The following ZFHX3 variants were observed in gnomAD, a reference collection of about 807,000 sequenced individuals.
The protein encoded by ZFHX3 is zinc finger homeobox 3, also known as zinc finger homeobox protein 3.
ZFHX3 carries 42 observed loss-of-function variants against 279.1 expected under a neutral mutation model. That is an observed-to-expected ratio of 0.15 (90% confidence interval 0.12 to 0.19). The LOEUF is 0.19. ZFHX3 is among the 10% of genes least tolerant of loss of function. The pLI is 1.00. For missense variants in ZFHX3, 4,981 were observed against 4,754.0 expected (o/e 1.05, Z -1.40); for synonymous variants, 2,293 against 1,957.8 (o/e 1.17, Z -4.52).
intron 2 of ZFHX3, among the ~76,000 whole-genome samples, chr16:72,951,646 T>C (rs1961006962): frequency 6.6e-6 from 1 of 152,210 alleles, no homozygotes; most frequent in South Asian, 2.1e-4. Context: ...TAACAGAATC[T>C]CAAACTGCAG....
chr16:73,365,512 G>A (rs972830776), intron 3 of ZFHX3, among the ~76,000 whole-genome samples: 1 of 152,198 alleles, frequency 6.6e-6, no homozygotes, highest in Non-Finnish European at 1.5e-5. Context: ...TCCCTTTACA[G>A]ATGAAGAAAC....
In ZFHX3 at chr16:72,839,236, C is replaced by T. The variant is rs1490345702; in HGVS notation, c.3449-9377G>A. Among the ~76,000 whole-genome samples the T allele has an allele frequency of 2.6e-5, 4 of 151,448 alleles. No homozygotes were observed. The East Asian group carries it at 8.0e-4, about 30-fold the overall frequency. On this transcript the variant is annotated intron_variant, in intron 4 of 9. Coordinates refer to ENST00000268489, the MANE Select transcript of ZFHX3 (RefSeq NM_006885.4). ...CAGTCCAAATAACCATGAAAAATTA[C>T]ACTTCAATGTCAGCGCGACGACAAA...
intron 4 of ZFHX3, among the ~76,000 whole-genome samples, chr16:72,888,018 G>C (rs936394030): frequency 4.6e-5 from 7 of 152,084 alleles, no homozygotes; most frequent in Non-Finnish European, 7.4e-5. Context: ...ATCTGCCCAG[G>C]TAGAAAGCCA....
intron 4 of ZFHX3, among the ~76,000 whole-genome samples, chr16:72,887,706 G>A (rs2038663949): frequency 6.6e-6 from 1 of 150,780 alleles, no homozygotes; most frequent in African/African-American, 2.4e-5. Flanking sequence ...TGTATGTGGG[G>A]GAGGTGCACG....
At chr16:73,022,668 A>G (rs1434587587) in intron 1 of ZFHX3, among the ~76,000 whole-genome samples, 1 of 152,132 alleles carries the variant, frequency 6.6e-6, no homozygotes, top group African/African-American at 2.4e-5. Context: ...GACGGCCCAC[A>G]TGCCACGATC....
intron 5 of ZFHX3, among the ~76,000 whole-genome samples, chr16:73,171,228 A>G (rs2144866822): frequency 6.6e-6 from 1 of 152,164 alleles, no homozygotes; most frequent in South Asian, 2.1e-4. Flanking sequence ...TTATCATCCA[A>G]ACTGGGACGC....
At chr16:73,766,361 C>T (rs1207976499) in intron 1 of ZFHX3, among the ~76,000 whole-genome samples, 1 of 152,062 alleles carries the variant, frequency 6.6e-6, no homozygotes, top group Non-Finnish European at 1.5e-5. Flanking sequence ...GGTATATCGC[C>T]AGGGTGACTG....
chr16:73,603,420 G>A (rs561725525), intron 2 of ZFHX3, among the ~76,000 whole-genome samples: 1 of 152,282 alleles, frequency 6.6e-6, no homozygotes, highest in South Asian at 2.1e-4. Context: ...AAAATTAAAT[G>A]TAATTAAGAC....
chr16:72,903,178 T>G (rs752869215), intron 3 of ZFHX3, among the ~76,000 whole-genome samples: 4 of 151,952 alleles, frequency 2.6e-5, no homozygotes, highest in Non-Finnish European at 5.9e-5. Context: ...ACTGTGGAGG[T>G]CGTTGAGAAA....
intron 4 of ZFHX3, among the ~76,000 whole-genome samples, chr16:73,313,592 C>T (rs2015377381): frequency 2.0e-5 from 3 of 152,122 alleles, no homozygotes; most frequent in Admixed American, 2.0e-4. Context: ...AGCGATACAC[C>T]TGGGTTTTAA....
rs544882979 is a variant in ZFHX3 at position 73,363,016 on chromosome 16, A to T, written c.-1290-44680T>A. Among the ~76,000 whole-genome samples the T allele has an allele frequency of 2.6e-5, 4 of 152,338 alleles. No individual in the cohort carries two copies. The East Asian group carries it at 7.7e-4, about 29-fold the overall frequency. ...CTCATTCCATCAAGAGGTGGAGTCTATTTCTCTATCTGGGATCTGGGCTGG... is the reference window on the plus strand; with the variant it reads ...CTCATTCCATCAAGAGGTGGAGTCTTTTTCTCTATCTGGGATCTGGGCTGG... On this transcript the variant is annotated intron_variant, in intron 3 of 17. Transcript: ENST00000641206.
intron 2 of ZFHX3, among the ~76,000 whole-genome samples, chr16:73,508,873 C>G (rs2019374824): frequency 6.6e-6 from 1 of 152,172 alleles, no homozygotes; most frequent in Non-Finnish European, 1.5e-5. Context: ...AAGAACTGTG[C>G]TGAGTGTCTG....
chr16:73,162,338 T>A (rs1420071169), intron 5 of ZFHX3, among the ~76,000 whole-genome samples: 1 of 152,242 alleles, frequency 6.6e-6, no homozygotes, highest in Non-Finnish European at 1.5e-5. Flanking sequence ...TTCATGAGAA[T>A]CTAATGCCCA....
At chr16:72,839,261 A>G (rs1344851119) in intron 4 of ZFHX3, among the ~76,000 whole-genome samples, 1 of 151,990 alleles carries the variant, frequency 6.6e-6, no homozygotes, top group African/African-American at 2.4e-5. Flanking sequence ...GCGACGACAA[A>G]GGAGGCGCGC....
At chr16:73,885,907 A>G (rs1216606190) in intron 1 of ZFHX3, among the ~76,000 whole-genome samples, 1 of 152,160 alleles carries the variant, frequency 6.6e-6, no homozygotes, top group Non-Finnish European at 1.5e-5. Context: ...ACTGAGGGAA[A>G]TTTGCCCTCC....
intron 2 of ZFHX3, among the ~76,000 whole-genome samples, chr16:73,572,355 C>T (rs1477977318): frequency 1.3e-5 from 2 of 152,136 alleles, no homozygotes; most frequent in Non-Finnish European, 2.9e-5. Flanking sequence ...CTGTCCCCGG[C>T]CTGGCCATCT....
chr16:73,167,527 G>C (rs1028381856), intron 5 of ZFHX3, among the ~76,000 whole-genome samples: 16 of 152,178 alleles, frequency 1.1e-4, no homozygotes, highest in Non-Finnish European at 2.2e-4. Context: ...CTGAACTTGT[G>C]CCAAGATGCT....
rs552693469 is a variant in ZFHX3, at chr16:73,413,059, G to A, written c.-1291+42944C>T. On this transcript the variant is annotated intron_variant, in intron 3 of 17. Coordinates refer to the ZFHX3 transcript ENST00000641206. ...AGTTCACAATACAGTGTGCGTGTTG[G>A]GCACGAAGGTGGAAATGGGGCAAAT... Among the ~76,000 whole-genome samples the A allele has an allele frequency of 5.3e-5, 8 of 152,292 alleles. No homozygotes were observed. In the East Asian group the frequency reaches 1.2e-3, roughly 22 times the overall value.
intron 8 of ZFHX3, among the ~76,000 whole-genome samples, chr16:73,073,176 C>T (rs978842497): frequency 6.6e-6 from 1 of 152,160 alleles, no homozygotes; most frequent in South Asian, 2.1e-4. Context: ...GGATTACAGG[C>T]GTGAGCTACC....
Sources: allele counts gnomAD v4.1 joint callset (sites outside exome capture counted in the v4.1 genomes callset), GRCh38; gene constraint gnomAD v4.1.1; transcripts MANE v1.5; gene names NCBI Gene and HGNC (gene_info 2026-07-23, HGNC 2026-07-21).